Variants in NFIC observed in about 807,000 individuals in gnomAD.
The protein encoded by NFIC is nuclear factor I C, also known as nuclear factor 1 C-type.
In NFIC, 12 loss-of-function variants were observed where a neutral mutation model predicts 54.4. The ratio of observed to expected loss-of-function variants is 0.22; its 90% CI spans 0.14 to 0.36. The LOEUF (loss-of-function observed/expected upper bound fraction) is 0.36. Ranked by LOEUF, NFIC falls within the 10% of genes least tolerant of loss-of-function variation. The probability of loss-of-function intolerance (pLI) is 1.00; values close to 1 mark genes in which losing one functional copy is unlikely to be tolerated. For synonymous variants in NFIC, 322 were observed against 319.2 expected, an observed-to-expected ratio of 1.01 and a Z score of -0.09; for missense variants, 575 against 718.2, an observed-to-expected ratio of 0.80 and a Z score of 2.28.
intron 3 of NFIC, among the ~76,000 whole-genome samples, chr19:3,431,508 A>G (rs2082120950): frequency 6.6e-6 from 1 of 151,216 alleles, no homozygotes; most frequent in African/African-American, 2.4e-5. Flanking sequence ...AGCTGGGACT[A>G]CAGGTGTGCA....
chr19:3,360,454 C>T (rs1466327932), intron 1 of NFIC, among the ~76,000 whole-genome samples: 3 of 151,676 alleles, frequency 2.0e-5, no homozygotes, highest in African/African-American at 7.3e-5. Flanking sequence ...TTCCGGTGTC[C>T]GGTCGACTGG....
At chr19:3,427,472 G>A (rs2082044589) in intron 3 of NFIC, among the ~76,000 whole-genome samples, 1 of 152,080 alleles carries the variant, frequency 6.6e-6, no homozygotes, top group Non-Finnish European at 1.5e-5. Flanking sequence ...GAGAGAGGGA[G>A]GGATGAAGCA....
At chr19:3,371,978 T>TCTCTCC (rs1568400206) in intron 1 of NFIC, among the ~76,000 whole-genome samples, 52 of 99,872 alleles carry the variant, frequency 5.2e-4, no homozygotes, top group Non-Finnish European at 9.8e-4. Flanking sequence ...CTTCTCTTTC[T>TCTCTCC]CTCTCTCTCC....
intron 2 of NFIC, among the ~76,000 whole-genome samples, chr19:3,408,762 T>C (rs1297766805): frequency 6.6e-6 from 1 of 152,106 alleles, no homozygotes; most frequent in Admixed American, 6.5e-5. Context: ...CCACCACACC[T>C]GGCTAATTTT....
chr19:3,444,480 C>CT (rs1455595800), intron 6 of NFIC, among the ~76,000 whole-genome samples: 2 of 152,234 alleles, frequency 1.3e-5, no homozygotes, highest in Admixed American at 1.3e-4. Flanking sequence ...CCCAGGCATG[C>CT]CTGCTGAACA....
intron 2 of NFIC, among the ~76,000 whole-genome samples, chr19:3,382,526 G>A (rs1192656536): frequency 6.6e-6 from 1 of 152,086 alleles, no homozygotes; most frequent in East Asian, 1.9e-4. Context: ...GAGTCTGAGA[G>A]AGGAGGCCAG....
intron 3 of NFIC, among the ~76,000 whole-genome samples, chr19:3,429,123 CAA>C (rs1229903958): frequency 1.1e-3 from 98 of 88,150 alleles, no homozygotes; most frequent in Middle Eastern, 9.6e-3. Flanking sequence ...TATCTCTACC[CAA>C]AAAAAAAATA....
At chr19:3,461,329 G>A (rs2082635632) in intron 10 of NFIC, among the ~76,000 whole-genome samples, 1 of 151,518 alleles carries the variant, frequency 6.6e-6, no homozygotes, top group Non-Finnish European at 1.5e-5. Context: ...AGGCTGAGGT[G>A]GGAGGATCAC....
rs192003738 is a variant in NFIC at position 3,370,827 on chromosome 19, C to T, written c.30+4161C>T. Reference sequence around the variant, plus strand: ...GAAATGCTGCCTGGGCCTCCTGCCCCGGACACGGCCCGCCCCCCACTCTCC... The same window carrying T: ...GAAATGCTGCCTGGGCCTCCTGCCCTGGACACGGCCCGCCCCCCACTCTCC... On this transcript the variant is annotated intron_variant, in intron 1 of 10. Coordinates refer to ENST00000443272, the MANE Select transcript of NFIC (RefSeq NM_001245002.2). The surrounding 1 kb of genome is among the most constrained non-coding windows in gnomAD (Gnocchi z 5.2). Among the ~76,000 whole-genome samples, 7 of 152,314 alleles carry T rather than the reference C, an allele frequency of 4.6e-5. No homozygotes were observed. The highest frequency in any genetic ancestry group is 3.9e-4 in the East Asian group (2 of 5,170).
At chr19:3,434,170 G>T (rs1448228680) in intron 4 of NFIC, 107 bp from the exon 5 acceptor site, 2 of 1,466,548 alleles carry the variant, frequency 1.4e-6, no homozygotes, top group South Asian at 1.4e-5. Flanking sequence ...AATATGGGAA[G>T]GGGGTCCCCC....
Position 3,388,602 on chromosome 19 carries a change from C to T in NFIC, c.562+6359C>T, listed in dbSNP as rs528387142. 1.2e-4 allele frequency among the ~76,000 whole-genome samples: 18 copies of T among 151,796 alleles called. No individual in the cohort carries two copies. In the South Asian group the frequency reaches 3.5e-3, roughly 30 times the overall value. On this transcript the variant is annotated intron_variant, in intron 2 of 10. Transcript: ENST00000443272. Reference sequence around the variant, plus strand: ...CTTTGGGAGGCTGAGGCAGGAGGATCACTTGAGGCCAGGAGTTCGAGACCA... The same window carrying T: ...CTTTGGGAGGCTGAGGCAGGAGGATTACTTGAGGCCAGGAGTTCGAGACCA...
chr19:3,460,338 G>T (rs2082621285), intron 10 of NFIC, among the ~76,000 whole-genome samples: 1 of 152,166 alleles, frequency 6.6e-6, no homozygotes, highest in Non-Finnish European at 1.5e-5. Context: ...AGCCAGACAG[G>T]CCTGAGTTCA....
chr19:3,444,078 G>A (rs57459998), intron 6 of NFIC, among the ~76,000 whole-genome samples: 209 of 150,562 alleles, frequency 1.4e-3, no homozygotes, highest in African/African-American at 4.7e-3. Context: ...TGGCTGCTCC[G>A]ACGGGGTGAT....
At chr19:3,366,747 G>A (rs1421447705) in intron 1 of NFIC, 81 bp downstream of exon 1, 3 of 1,106,158 alleles carry the variant, frequency 2.7e-6, no homozygotes, top group Non-Finnish European at 3.6e-6. Flanking sequence ...AGGAGGAGGC[G>A]GGACGAAAAA....
At chr19:3,371,665 G>C (rs2081013052) in intron 1 of NFIC, 1 of 152,146 alleles carries the variant, frequency 6.6e-6, no homozygotes, top group African/African-American at 2.4e-5. Flanking sequence ...AATAAGTGCT[G>C]CTGTGCTTAT....
chr19:3,433,893 C>A (rs1452647586), intron 4 of NFIC, among the ~76,000 whole-genome samples: 1 of 152,090 alleles, frequency 6.6e-6, no homozygotes, highest in Admixed American at 6.5e-5. Flanking sequence ...CCCAAAGGAC[C>A]CCGCCCCTCC....
Position 3,466,578 on chromosome 19 carries a change from A to C in NFIC, c.*3809A>C, listed in dbSNP as rs1015459498. On this transcript the variant is annotated 3_prime_UTR_variant, in exon 11 of 11. Coordinates refer to ENST00000443272, the MANE Select transcript of NFIC (RefSeq NM_001245002.2). The surrounding 1 kb of genome is among the most constrained non-coding windows in gnomAD (Gnocchi z 4.8). Reference sequence around the variant, plus strand: ...AGAGCCCAGACCACCACAGCTGGCCACGACATTGCCCTTAAGTAATATGCA... The same window carrying C: ...AGAGCCCAGACCACCACAGCTGGCCCCGACATTGCCCTTAAGTAATATGCA... 6.6e-6 allele frequency: 1 copy of C among 152,110 alleles called. No homozygotes were observed. The highest frequency in any genetic ancestry group is 1.5e-5 in the Non-Finnish European group (1 of 68,046). 9.4% of individuals were successfully genotyped at this position (152,110 alleles called of 1,614,324 possible).
rs1491273157 is a variant in NFIC at position 3,371,996 on chromosome 19, TCC to T, written c.30+5332_30+5333del. Among the ~76,000 whole-genome samples, 81 of 62,674 alleles carry T rather than the reference TCC, an allele frequency of 1.3e-3. 2 individuals carry two copies. Among genetic ancestry groups the T allele is most frequent in the East Asian group, 3.6e-3 (6 of 1,644 alleles). The allele number at this position is 62,674 out of a possible 152,430, so 41.1% of individuals were successfully genotyped here. A position where few individuals can be genotyped will look rare whatever the true frequency, so the allele number is the denominator to read the frequency against. On this transcript the variant is annotated intron_variant, in intron 1 of 10. Coordinates refer to ENST00000443272, the MANE Select transcript of NFIC (RefSeq NM_001245002.2). The stretch of plus-strand genomic sequence containing the variant: ...CTCTTTCTCTCTCTCTCCCTCTCTC[TCC>T]CTCTCTCTCTCTCTCTCTCTCTCTC...
At position 3,369,316 on chromosome 19, in the gene NFIC, C is replaced by T. The variant is rs1314678885; in HGVS notation, c.30+2650C>T. Reference sequence around the variant, plus strand: ...ACCTTCCCTTTCTCCTCTGTCTCTGCGTGTCTCCCCTTGCCCCCTCTCTCC... The same window carrying T: ...ACCTTCCCTTTCTCCTCTGTCTCTGTGTGTCTCCCCTTGCCCCCTCTCTCC... On this transcript the variant is annotated intron_variant, in intron 1 of 10. Transcript: ENST00000443272. This position sits in a 1 kb window ranked among gnomAD's most constrained non-coding sequence, Gnocchi z 4.3. Among the ~76,000 whole-genome samples, 2 of 151,480 alleles carry T rather than the reference C, an allele frequency of 1.3e-5. No homozygotes were observed. Among genetic ancestry groups the T allele is most frequent in the Non-Finnish European group, 3.0e-5 (2 of 67,480 alleles).
Sources: gnomAD v4.1 joint callset for allele counts (sites outside exome capture counted in the v4.1 genomes callset) on GRCh38, gnomAD v4.1.1 for gene constraint, Gnocchi (gnomAD v3.1) non-coding constraint, MANE v1.5 for transcripts, NCBI Gene and HGNC (gene_info 2026-07-23, HGNC 2026-07-21) for gene names.